XIRP2: variants seen among roughly 807,000 people sequenced by gnomAD.
The protein encoded by XIRP2 is xin actin binding repeat containing 2.
Under a neutral mutation model 277.0 loss-of-function variants are expected in XIRP2, and 236 were observed. That is an observed-to-expected ratio of 0.85 (90% CI 0.77 to 0.95). The LOEUF is 0.95. Ranked by LOEUF, XIRP2 falls within the 40% of genes least tolerant of loss-of-function variation. The probability of loss-of-function intolerance (pLI) is 0.00; values close to 1 mark genes in which losing one functional copy is unlikely to be tolerated. For synonymous variants in XIRP2, 1,490 were observed against 1,416.5 expected (o/e 1.05, Z -1.17); for missense variants, 4,640 against 4,157.5 (o/e 1.12, Z -3.19).
chr2:167,225,416 A>G (rs1694566808), intron 5 of XIRP2, among the ~76,000 whole-genome samples: 1 of 152,158 alleles, frequency 6.6e-6, no homozygotes, highest in Non-Finnish European at 1.5e-5. Context: ...TAGAGGAAAA[A>G]TCTACCTTGT....
chr2:167,066,437 C>T (rs1213543802), intron 2 of XIRP2, among the ~76,000 whole-genome samples: 1 of 151,932 alleles, frequency 6.6e-6, no homozygotes, highest in Non-Finnish European at 1.5e-5. Context: ...TTATCTCATA[C>T]CTGCTGGAAT....
intron 2 of XIRP2, among the ~76,000 whole-genome samples, chr2:167,014,284 A>G (rs1183193281): frequency 2.0e-5 from 3 of 151,774 alleles, no homozygotes; most frequent in Non-Finnish European, 4.4e-5. Flanking sequence ...AGTCCAGAAT[A>G]AACAAACAGA....
At chr2:167,209,505 A>C (rs776823632) in intron 3 of XIRP2, among the ~76,000 whole-genome samples, 15 of 152,084 alleles carry the variant, frequency 9.9e-5, no homozygotes, top group Non-Finnish European at 1.9e-4. Flanking sequence ...ATAGTGATTA[A>C]ATTATAACAA....
At chr2:167,252,477 T>G (rs148734883) in intron 9 of XIRP2, among the ~76,000 whole-genome samples, 7 of 152,108 alleles carry the variant, frequency 4.6e-5, no homozygotes, top group Admixed American at 6.6e-5. Context: ...TATTCAACTA[T>G]TGCTACTGAG....
intron 2 of XIRP2, among the ~76,000 whole-genome samples, chr2:167,000,973 G>C (rs1390741252): frequency 6.6e-6 from 1 of 152,078 alleles, no homozygotes; most frequent in African/African-American, 2.4e-5. Context: ...CTCGAGACCA[G>C]GAGTTCGAGG....
chr2:167,012,968 C>T (rs1249198513), intron 2 of XIRP2, among the ~76,000 whole-genome samples: 4 of 151,036 alleles, frequency 2.6e-5, no homozygotes, highest in Non-Finnish European at 5.9e-5. Flanking sequence ...AATTTTTTAT[C>T]ACATGTTCTT....
chr2:167,223,735 A>G (rs538946647), intron 5 of XIRP2, among the ~76,000 whole-genome samples: 18 of 152,306 alleles, frequency 1.2e-4, no homozygotes, highest in Non-Finnish European at 2.2e-4. Flanking sequence ...AACCTAACCT[A>G]GATCTCTATC....
intron 2 of XIRP2, among the ~76,000 whole-genome samples, chr2:167,053,008 C>A (rs1004915819): frequency 2.6e-5 from 4 of 152,180 alleles, no homozygotes; most frequent in African/African-American, 9.6e-5. Context: ...ATGTGGAACA[C>A]CCAGTTCAAG....
intron 2 of XIRP2, 98 bp from the exon 3 acceptor site, chr2:167,135,811 C>T (rs1354125887): frequency 1.1e-5 from 13 of 1,179,590 alleles, no homozygotes; most frequent in Non-Finnish European, 1.5e-5. Flanking sequence ...TGACAGAAAT[C>T]CCTCCCTCTT....
chr2:167,096,347 T>C (rs1279015950), intron 2 of XIRP2, among the ~76,000 whole-genome samples: 1 of 152,226 alleles, frequency 6.6e-6, no homozygotes, highest in Non-Finnish European at 1.5e-5. Context: ...GAGATGTTTC[T>C]AGTATTCTCT....
In XIRP2 at chr2:167,247,730, C is replaced by G. The variant is rs779715227; in HGVS notation, c.6338C>G (p.Ser2113Cys). Residue 2113 changes from serine to cysteine, a missense_variant, in exon 9 of 11, where the codon TCC becomes TGC. Physicochemically the swap from Ser to Cys is moderately radical, Grantham distance 112. Transcript: ENST00000409195. Reference sequence around the variant, plus strand: ...CTGAAGAAGGATGATGTCTTTAATTCCATCCAATCTGCTGGTAAAACCGTT... The same window carrying G: ...CTGAAGAAGGATGATGTCTTTAATTGCATCCAATCTGCTGGTAAAACCGTT... The part of the protein sequence containing the change: ...RELKKDDVFN[S>C]IQSAGKTVGK... 7 of 1,613,434 alleles carry G rather than the reference C, an allele frequency of 4.3e-6. No individual in the cohort carries two copies. In the African/African-American group the frequency reaches 6.7e-5, roughly 15 times the overall value.
intron 2 of XIRP2, among the ~76,000 whole-genome samples, chr2:167,072,446 C>T (rs776665215): frequency 2.6e-5 from 4 of 152,182 alleles, no homozygotes; most frequent in Admixed American, 6.5e-5. Flanking sequence ...GCCTTCTCCA[C>T]TCTATATACT....
At chr2:167,202,204 T>C (rs1057447926) in intron 3 of XIRP2, among the ~76,000 whole-genome samples, 5 of 152,218 alleles carry the variant, frequency 3.3e-5, no homozygotes, top group African/African-American at 4.8e-5. Context: ...TTCAATGAAA[T>C]TTAAGTCATT....
At chr2:166,982,298 G>T (rs1574135554) in intron 2 of XIRP2, among the ~76,000 whole-genome samples, 1 of 146,364 alleles carries the variant, frequency 6.8e-6, no homozygotes. Flanking sequence ...TCAGCAAATT[G>T]TAATATGTTT....
chr2:167,208,316 TTTGAGACGGAGACGGAGTCTCGCTCTG>T (rs985770246), intron 3 of XIRP2, among the ~76,000 whole-genome samples: 21 of 152,320 alleles, frequency 1.4e-4, no homozygotes, highest in African/African-American at 4.6e-4. Flanking sequence ...TTCCCTTTTT[TTTGAGACGGAGACGGAGTCTCGCTCTG>T]TCGCCCAGGC....
At chr2:166,937,261 C>G (rs1685545422) in intron 2 of XIRP2, among the ~76,000 whole-genome samples, 2 of 152,144 alleles carry the variant, frequency 1.3e-5, no homozygotes, top group South Asian at 4.1e-4. Flanking sequence ...TGAGATACGT[C>G]CATCAACACC....
intron 2 of XIRP2, among the ~76,000 whole-genome samples, chr2:167,123,101 T>C (rs1294924329): frequency 6.6e-6 from 1 of 152,162 alleles, no homozygotes; most frequent in Non-Finnish European, 1.5e-5. Flanking sequence ...TGATCGGGGA[T>C]TATAAAATAG....
chr2:167,016,640 A>G (rs1687833584), intron 2 of XIRP2, among the ~76,000 whole-genome samples: 3 of 151,930 alleles, frequency 2.0e-5, no homozygotes. Flanking sequence ...AGCAGCTGCT[A>G]AGGTAGAATC....
At chr2:167,071,366 T>C (rs909575066) in intron 2 of XIRP2, among the ~76,000 whole-genome samples, 1 of 152,168 alleles carries the variant, frequency 6.6e-6, no homozygotes, top group Non-Finnish European at 1.5e-5. Flanking sequence ...AAATGCGTTA[T>C]TAAAAAGTAA....
Sources: gnomAD v4.1 joint callset for allele counts (sites outside exome capture counted in the v4.1 genomes callset) on GRCh38, gnomAD v4.1.1 for gene constraint, MANE v1.5 for transcripts, NCBI Gene and HGNC (gene_info 2026-07-23, HGNC 2026-07-21) for gene names.